The following COL25A1 variants were observed in gnomAD, a reference collection of about 807,000 sequenced individuals.
The protein encoded by COL25A1 is collagen alpha-1(XXV) chain.
A neutral mutation model predicts 128.4 loss-of-function variants in COL25A1; 103 were observed. That is an observed-to-expected ratio of 0.80 (90% CI 0.68 to 0.94). The LOEUF is 0.94. COL25A1 is among the 40% of genes least tolerant of loss of function. COL25A1 has a pLI of 0.00. For missense variants in COL25A1, 745 were observed against 840.0 expected, an observed-to-expected ratio of 0.89 and a Z score of 1.40; for synonymous variants, 279 against 277.2, an observed-to-expected ratio of 1.01 and a Z score of -0.06.
intron 31 of COL25A1, among the ~76,000 whole-genome samples, chr4:108,841,133 G>A (rs1734401273): frequency 6.6e-6 from 1 of 152,202 alleles, no homozygotes; most frequent in Non-Finnish European, 1.5e-5. Context: ...TGACAAAGAG[G>A]AGCTTTTATC....
intron 8 of COL25A1, among the ~76,000 whole-genome samples, chr4:108,961,356 T>A (rs1246936258): frequency 6.6e-6 from 1 of 152,172 alleles, no homozygotes; most frequent in Non-Finnish European, 1.5e-5. Flanking sequence ...CACTAGCATA[T>A]GGAATGAGAT....
At position 108,839,968 on chromosome 4, in the gene COL25A1, G is replaced by A. The variant is rs754198186; in HGVS notation, c.1656+1727C>T. ...TTAAAATCCAAGAGTAGGGCCGGGCGCAGTGGCTCATGCTTGTAATCCCAG... is the reference window on the plus strand; with the variant it reads ...TTAAAATCCAAGAGTAGGGCCGGGCACAGTGGCTCATGCTTGTAATCCCAG... On this transcript the variant is annotated intron_variant, in intron 31 of 37. Transcript: ENST00000399132. 3.0e-4 allele frequency among the ~76,000 whole-genome samples: 45 copies of A among 151,966 alleles called. 1 individual carries two copies. Among genetic ancestry groups the A allele is most frequent in the Non-Finnish European group, 4.7e-4 (32 of 67,970 alleles).
chr4:108,864,920 T>C (rs71603005), intron 20 of COL25A1, among the ~76,000 whole-genome samples: 1 of 152,212 alleles, frequency 6.6e-6, no homozygotes, highest in Admixed American at 6.5e-5. Flanking sequence ...ACAAAGCTTT[T>C]AAAGTGGGTA....
intron 6 of COL25A1, among the ~76,000 whole-genome samples, chr4:108,975,192 T>G (rs1269884652): frequency 6.6e-6 from 1 of 152,236 alleles, no homozygotes; most frequent in Non-Finnish European, 1.5e-5. Context: ...CAGTGGCTCA[T>G]GCCTGTAATC....
intron 3 of COL25A1, among the ~76,000 whole-genome samples, chr4:109,244,251 A>G (rs1780108476): frequency 6.6e-6 from 1 of 152,078 alleles, no homozygotes; most frequent in African/African-American, 2.4e-5. Context: ...ACAATAGAAA[A>G]ACAGTGTCTA....
chr4:109,147,901 A>G (rs1446597525), intron 3 of COL25A1, among the ~76,000 whole-genome samples: 2 of 152,020 alleles, frequency 1.3e-5, no homozygotes, highest in East Asian at 1.9e-4. Flanking sequence ...TGGAGTGCTT[A>G]TAAGGTCAGC....
chr4:108,978,264 G>C (rs533323012), intron 6 of COL25A1, among the ~76,000 whole-genome samples: 2 of 152,204 alleles, frequency 1.3e-5, no homozygotes, highest in East Asian at 3.8e-4. Context: ...CAGCTGCAGC[G>C]GCTGCTTCGG....
intron 32 of COL25A1, among the ~76,000 whole-genome samples, chr4:108,827,875 T>C (rs1016690950): frequency 2.0e-5 from 3 of 152,124 alleles, no homozygotes; most frequent in Non-Finnish European, 2.9e-5. Context: ...CCTTTCTCGA[T>C]TGCCCACTTC....
intron 3 of COL25A1, among the ~76,000 whole-genome samples, chr4:109,232,174 C>CT (rs1241059614): frequency 6.6e-6 from 1 of 152,084 alleles, no homozygotes; most frequent in Non-Finnish European, 1.5e-5. Context: ...AAAATCAATA[C>CT]TTTGTCAATA....
At chr4:109,249,619 G>T (rs576241426) in intron 3 of COL25A1, among the ~76,000 whole-genome samples, 88 of 152,182 alleles carry the variant, frequency 5.8e-4, no homozygotes, top group African/African-American at 2.0e-3. Flanking sequence ...TTAAATCTTT[G>T]CATCTATTAA....
chr4:109,040,006 C>T (rs1337640049), intron 5 of COL25A1, among the ~76,000 whole-genome samples: 2 of 152,098 alleles, frequency 1.3e-5, no homozygotes, highest in Non-Finnish European at 2.9e-5. Flanking sequence ...AAGATGCATG[C>T]TTTATTCCAT....
intron 3 of COL25A1, among the ~76,000 whole-genome samples, chr4:109,297,977 C>T (rs1262210091): frequency 2.8e-5 from 4 of 142,510 alleles, no homozygotes; most frequent in African/African-American, 7.9e-5. Flanking sequence ...GATTCCAATC[C>T]GGAATTATCC....
intron 3 of COL25A1, among the ~76,000 whole-genome samples, chr4:109,055,347 G>T (rs150426822): frequency 6.6e-5 from 10 of 152,236 alleles, no homozygotes; most frequent in Middle Eastern, 3.4e-3. Flanking sequence ...ATACTGAATT[G>T]CAACCATTTT....
At chr4:109,243,775 C>A (rs1297597671) in intron 3 of COL25A1, among the ~76,000 whole-genome samples, 1 of 151,954 alleles carries the variant, frequency 6.6e-6, no homozygotes, top group Non-Finnish European at 1.5e-5. Flanking sequence ...ACTTTGAAGT[C>A]TTTAAATCTG....
At chr4:109,011,614 G>A (rs1202191788) in intron 5 of COL25A1, among the ~76,000 whole-genome samples, 1 of 152,200 alleles carries the variant, frequency 6.6e-6, no homozygotes, top group Admixed American at 6.5e-5. Flanking sequence ...TTCAGATGGA[G>A]AAACTGAGGC....
intron 3 of COL25A1, among the ~76,000 whole-genome samples, chr4:109,144,846 T>A (rs1016080719): frequency 1.3e-5 from 2 of 152,192 alleles, no homozygotes; most frequent in Non-Finnish European, 2.9e-5. Context: ...ATGTGAGACA[T>A]TTATTTGTAA....
intron 3 of COL25A1, among the ~76,000 whole-genome samples, chr4:109,120,835 AAC>A (rs892969923): frequency 1.3e-5 from 2 of 151,936 alleles, no homozygotes; most frequent in African/African-American, 4.8e-5. Flanking sequence ...AAAATTCAAA[AAC>A]AATTATTATT....
At chr4:109,056,736 G>A (rs1012041769) in intron 3 of COL25A1, among the ~76,000 whole-genome samples, 2 of 152,136 alleles carry the variant, frequency 1.3e-5, no homozygotes, top group African/African-American at 4.8e-5. Flanking sequence ...ATGTATGTGT[G>A]TACTGGTTTA....
intron 3 of COL25A1, among the ~76,000 whole-genome samples, chr4:109,061,823 T>C (rs1427244944): frequency 2.0e-5 from 3 of 152,214 alleles, no homozygotes; most frequent in African/African-American, 7.2e-5. Flanking sequence ...CATGAGTAGA[T>C]TTCTATGAAT....
Sources: gnomAD v4.1 joint callset for allele counts (sites outside exome capture counted in the v4.1 genomes callset) on GRCh38, gnomAD v4.1.1 for gene constraint, MANE v1.5 for transcripts, NCBI Gene and HGNC (gene_info 2026-07-23, HGNC 2026-07-21) for gene names.